PRKCG: variants seen among roughly 807,000 people sequenced by gnomAD.
PRKCG encodes protein kinase C gamma, also known as protein kinase C gamma type.
In PRKCG, 28 loss-of-function variants were observed where a neutral mutation model predicts 82.0. The observed-to-expected ratio is 0.34, with a 90% confidence interval of 0.25 to 0.47. The LOEUF (loss-of-function observed/expected upper bound fraction) is 0.47, where lower values mean the gene tolerates loss of function less well. PRKCG is among the 20% of genes least tolerant of loss of function. The probability of loss-of-function intolerance (pLI) is 1.00; values close to 1 mark genes in which losing one functional copy is unlikely to be tolerated. For missense variants in PRKCG, 640 were observed against 952.7 expected, an observed-to-expected ratio of 0.67 and a Z score of 4.32; for synonymous variants, 383 against 376.6, an observed-to-expected ratio of 1.02 and a Z score of -0.20.
At chr19:53,902,044 G>C (rs950826792) in intron 14 of PRKCG, among the ~76,000 whole-genome samples, 4 of 152,108 alleles carry the variant, frequency 2.6e-5, no homozygotes, top group African/African-American at 9.7e-5. Flanking sequence ...TTGGGAGGAT[G>C]TGCCTGACTC....
Position 53,895,381 on chromosome 19 carries a change from G to A in PRKCG, c.939+1990G>A, listed in dbSNP as rs186252787. 1.6e-4 allele frequency among the ~76,000 whole-genome samples: 24 copies of A among 151,470 alleles called. 1 individual carries two copies. In the East Asian group the frequency reaches 3.5e-3, roughly 22 times the overall value. On this transcript the variant is annotated intron_variant, in intron 9 of 17. Coordinates refer to ENST00000263431, the MANE Select transcript of PRKCG (RefSeq NM_002739.5). Reference sequence around the variant, plus strand: ...GAGGCGCCTGTAATCCCAGCTACTCGGAAGGCTGAGGCAGGAGAATTGCTG... The same window carrying A: ...GAGGCGCCTGTAATCCCAGCTACTCAGAAGGCTGAGGCAGGAGAATTGCTG...
Position 53,889,915 on chromosome 19 carries a change from G to A in PRKCG, c.427G>A (p.Val143Met), listed in dbSNP as rs1172771303. The A allele has an allele frequency of 1.3e-6, 2 of 1,583,924 alleles. No individual in the cohort carries two copies. Among genetic ancestry groups the A allele is most frequent in the Non-Finnish European group, 1.7e-6 (2 of 1,165,898 alleles). ...CGAGATGAACGTGCACCGGCGCTGT[G>A]TGCGTAGCGTGCCCTCCCTGTGCGG... is the stretch of plus-strand genomic sequence containing the variant. ...CCEMNVHRRCVRSVPSLCGVD... is the reference protein window; with the variant it reads ...CCEMNVHRRCMRSVPSLCGVD... Residue 143 changes from valine to methionine, a missense_variant, in exon 5 of 18, where the codon GTG (valine) becomes ATG (methionine). Around this residue, in one of 7 missense-constraint regions of PRKCG, gnomAD observed 261 missense variants for 312.1 expected, o/e 0.84. Transcript: ENST00000263431. The surrounding 1 kb of genome is among the most constrained non-coding windows in gnomAD (Gnocchi z 4.4).
Position 53,906,334 on chromosome 19 carries a change from A to G in PRKCG, c.1782A>G (p.Pro594=), listed in dbSNP as rs1450924382. ...AICKGFLTKH[P]GKRLGSGPDG... ...TCCCACAGTTCCTGACCAAGCACCC[A>G]GGGAAGCGCCTGGGCTCAGGGCCTG... is the stretch of plus-strand genomic sequence containing the variant. Residue 594 remains proline, a synonymous_variant, in exon 17 of 18, where the codon CCA becomes CCG. Coordinates refer to ENST00000263431, the MANE Select transcript of PRKCG (RefSeq NM_002739.5). The G allele has an allele frequency of 1.1e-5, 17 of 1,551,232 alleles. No homozygotes were observed. In the East Asian group the frequency reaches 2.7e-4, roughly 25 times the overall value.
At chr19:53,891,561 C>T in intron 5 of PRKCG, 113 bp from the exon 6 acceptor site, 2 of 1,353,946 alleles carry the variant, frequency 1.5e-6, no homozygotes, top group Admixed American at 1.7e-5. Context: ...GGATTACAGG[C>T]ATGAGCCGCC....
At position 53,892,804 on chromosome 19, in the gene PRKCG, C is replaced by G. The variant is rs2068689209; in HGVS notation, c.821+161C>G. Among the ~76,000 whole-genome samples, 1 of 150,488 alleles carries G rather than the reference C, an allele frequency of 6.6e-6. No individual in the cohort carries two copies. Among genetic ancestry groups the G allele is most frequent in the African/African-American group, 2.5e-5 (1 of 40,398 alleles). On this transcript the variant is annotated intron_variant, in intron 7 of 17. Transcript: ENST00000263431. The surrounding 1 kb of genome is among the most constrained non-coding windows in gnomAD (Gnocchi z 5.9). ...CACGCACACACACGCACACACCCCTCTCTCTCTATTCTTCTCTTCTTCTCC... is the reference window on the plus strand; with the variant it reads ...CACGCACACACACGCACACACCCCTGTCTCTCTATTCTTCTCTTCTTCTCC...
At chr19:53,887,007 T>C (rs2068635848) in intron 3 of PRKCG, among the ~76,000 whole-genome samples, 2 of 152,148 alleles carry the variant, frequency 1.3e-5, no homozygotes, top group Admixed American at 6.5e-5. Context: ...TTATGACCAA[T>C]GAGGAAACGA....
chr19:53,883,299 G>A lies in PRKCG; in HGVS notation c.202+105G>A. 2.1e-6 allele frequency: 3 copies of A among 1,397,462 alleles called. No individual in the cohort carries two copies. The highest frequency in any genetic ancestry group is 3.4e-5 in the Admixed American group (2 of 58,626). 86.6% of individuals were successfully genotyped at this position (1,397,462 alleles called of 1,614,324 possible). A position where few individuals can be genotyped will look rare whatever the true frequency, so the allele number is the denominator to read the frequency against. ...CGTGTTCTCTGGTCCCCAGAGAGGC[G>A]CGGGGGAGCCCGGGGCGGGGGGTGT... On this transcript the variant is annotated intron_variant, in intron 2 of 17. Transcript: ENST00000263431. This position sits in a 1 kb window ranked among gnomAD's most constrained non-coding sequence, Gnocchi z 5.4.
chr19:53,893,301 C>G, intron 8 of PRKCG, 61 bp from the exon 9 acceptor site: 1 of 1,557,796 alleles, frequency 6.4e-7, no homozygotes, highest in Non-Finnish European at 8.9e-7. Context: ...CCACCAGCCC[C>G]TGTTCTAGGG....
chr19:53,884,695 A>G lies in PRKCG; in HGVS notation c.285+452A>G, dbSNP rs964359907. On this transcript the variant is annotated intron_variant, in intron 3 of 17. Coordinates refer to ENST00000263431, the MANE Select transcript of PRKCG (RefSeq NM_002739.5). The surrounding 1 kb of genome is among the most constrained non-coding windows in gnomAD (Gnocchi z 4.6). ...AGAGAGAGAGAGATGGAGCAGAGAA[A>G]GAACCAGGGAGAAAGAGAGGAATTT... 2.6e-5 allele frequency among the ~76,000 whole-genome samples: 4 copies of G among 152,162 alleles called. No homozygotes were observed. Among genetic ancestry groups the G allele is most frequent in the African/African-American group, 9.7e-5 (4 of 41,428 alleles).
At chr19:53,896,418 T>G in intron 9 of PRKCG, among the ~76,000 whole-genome samples, 1 of 133,408 alleles carries the variant, frequency 7.5e-6, no homozygotes, top group East Asian at 2.2e-4. Context: ...TTATTATTAT[T>G]ATTATGTATT....
rs1004638506 is a variant in PRKCG at position 53,884,915 on chromosome 19, C to G, written c.285+672C>G. 3.9e-5 allele frequency among the ~76,000 whole-genome samples: 6 copies of G among 152,228 alleles called. No individual in the cohort carries two copies. Among genetic ancestry groups the G allele is most frequent in the Admixed American group, 2.0e-4 (3 of 15,276 alleles). On this transcript the variant is annotated intron_variant, in intron 3 of 17. Transcript: ENST00000263431. This position sits in a 1 kb window ranked among gnomAD's most constrained non-coding sequence, Gnocchi z 4.6. ...TGCCCCTGTCATCACAGATGTGCAG[C>G]ACGCAGAGACACACAGCCTCTCCCC...
intron 14 of PRKCG, among the ~76,000 whole-genome samples, chr19:53,901,124 A>C (rs1408636878): frequency 6.6e-6 from 1 of 152,224 alleles, no homozygotes; most frequent in African/African-American, 2.4e-5. Flanking sequence ...TGTCCGGACT[A>C]TCTTCTGAAT....
Position 53,905,962 on chromosome 19 carries a change from C to G in PRKCG, c.1765-355C>G, listed in dbSNP as rs1006017603. 1.6e-4 allele frequency among the ~76,000 whole-genome samples: 22 copies of G among 139,916 alleles called. No individual in the cohort carries two copies. The East Asian group carries it at 4.5e-3, about 29-fold the overall frequency. 91.8% of individuals were successfully genotyped at this position (139,916 alleles called of 152,430 possible). A position where few individuals can be genotyped will look rare whatever the true frequency, so the allele number is the denominator to read the frequency against. On this transcript the variant is annotated intron_variant, in intron 16 of 17. Transcript: ENST00000263431. ...TCACTCTCACCCTCTGTCTCTCTCT[C>G]TCTCTGTCCCTCTTCCTCTCTCTCT...
chr19:53,898,722 A>G (rs1317507136), intron 11 of PRKCG, 94 bp downstream of exon 11: 25 of 1,159,458 alleles, frequency 2.2e-5, no homozygotes, highest in Admixed American at 2.5e-5. Flanking sequence ...GCGAGGCAAG[A>G]GAACTTTGTG....
chr19:53,893,869 T>C (rs2068698298), intron 9 of PRKCG, among the ~76,000 whole-genome samples: 1 of 152,008 alleles, frequency 6.6e-6, no homozygotes, highest in Admixed American at 6.6e-5. Context: ...TTCTCTTGCC[T>C]CAGCCTCCTG....
At position 53,906,082 on chromosome 19, in the gene PRKCG, C is replaced by CT. The variant is rs1261149388; in HGVS notation, c.1765-234dup. The stretch of plus-strand genomic sequence containing the variant: ...CCTCCTCCTCCTCCTCCTCCTCCTC[C>CT]TCCTTCTTCTTCTTCTTCTTCTTCT... On this transcript the variant is annotated intron_variant, in intron 16 of 17. Coordinates refer to ENST00000263431, the MANE Select transcript of PRKCG (RefSeq NM_002739.5). Among the ~76,000 whole-genome samples, 709 of 79,778 alleles carry CT rather than the reference C, an allele frequency of 8.9e-3. 3 individuals are homozygous for CT. Among genetic ancestry groups the CT allele is most frequent in the East Asian group, 0.025 (77 of 3,066 alleles). 52.3% of individuals were successfully genotyped at this position (79,778 alleles called of 152,430 possible). A position where few individuals can be genotyped will look rare whatever the true frequency, so the allele number is the denominator to read the frequency against.
intron 9 of PRKCG, among the ~76,000 whole-genome samples, chr19:53,896,251 G>T (rs1280584038): frequency 6.6e-6 from 1 of 151,842 alleles, no homozygotes; most frequent in Non-Finnish European, 1.5e-5. Context: ...GTGTGTGCCT[G>T]TTGTGGCTCA....
intron 3 of PRKCG, among the ~76,000 whole-genome samples, chr19:53,885,528 C>T (rs530603540): frequency 1.3e-5 from 2 of 152,284 alleles, no homozygotes; most frequent in South Asian, 4.1e-4. Flanking sequence ...CCGCGCCCGG[C>T]AGAACTGACT....
Position 53,889,658 on chromosome 19 carries a change from G to T in PRKCG, c.306G>T (p.Lys102Asn), listed in dbSNP as rs2068656856. The T allele has an allele frequency of 1.2e-6, 2 of 1,613,972 alleles. No homozygotes were observed. Among genetic ancestry groups the T allele is most frequent in the African/African-American group, 1.3e-5 (1 of 74,928 alleles). Residue 102 changes from lysine to asparagine, a missense_variant, in exon 4 of 18, where the codon AAG (lysine) becomes AAT (asparagine). By Grantham distance (94) the Lys-to-Asn change is moderately conservative. This residue lies in a region of PRKCG where 50 missense variants were observed against 146.5 expected (regional missense o/e 0.34). Transcript: ENST00000263431. The surrounding 1 kb of genome is among the most constrained non-coding windows in gnomAD (Gnocchi z 4.4). ...PQTDDPRNKHKFRLHSYSSPT... is the reference protein window; with the variant it reads ...PQTDDPRNKHNFRLHSYSSPT... ...CCCAGGACCCCCGGAACAAACACAA[G>T]TTCCGCCTGCATAGCTACAGCAGCC... is the stretch of plus-strand genomic sequence containing the variant.
Sources: gnomAD v4.1 joint callset for allele counts (sites outside exome capture counted in the v4.1 genomes callset) on GRCh38, gnomAD v4.1.1 for gene constraint, gnomAD v4.1.1 regional missense constraint, Gnocchi (gnomAD v3.1) non-coding constraint, MANE v1.5 for transcripts, NCBI Gene and HGNC (gene_info 2026-07-23, HGNC 2026-07-21) for gene names.